SNTG2: variants seen among roughly 807,000 people sequenced by gnomAD.
The protein encoded by SNTG2 is gamma-2-syntrophin.
A neutral mutation model predicts 70.9 loss-of-function variants in SNTG2; 74 were observed. The observed-to-expected ratio is 1.04, with a 90% CI of 0.86 to 1.27. The LOEUF (loss-of-function observed/expected upper bound fraction) is 1.27, where lower values mean the gene tolerates loss of function less well. Among genes scored for constraint, SNTG2 ranks in the 50% most tolerant of loss-of-function variants. The pLI, the probability that SNTG2 is intolerant of heterozygous loss-of-function variation, is 0.00. For synonymous variants in SNTG2, 278 were observed against 273.8 expected (o/e 1.02, Z -0.15); for missense variants, 717 against 690.7 (o/e 1.04, Z -0.43).
chr2:1,134,510 A>G (rs1393640207), intron 4 of SNTG2, among the ~76,000 whole-genome samples: 1 of 151,642 alleles, frequency 6.6e-6, no homozygotes, highest in Non-Finnish European at 1.5e-5. Context: ...CGATTGGTGC[A>G]TTCACAAACC....
At chr2:1,072,476 T>C (rs1314957247) in intron 1 of SNTG2, among the ~76,000 whole-genome samples, 1 of 151,674 alleles carries the variant, frequency 6.6e-6, no homozygotes, top group Non-Finnish European at 1.5e-5. Context: ...GACAGTGTGG[T>C]TGACTGAATA....
intron 1 of SNTG2, among the ~76,000 whole-genome samples, chr2:982,765 C>T (rs1014380659): frequency 3.9e-5 from 6 of 152,176 alleles, no homozygotes; most frequent in African/African-American, 9.7e-5. Context: ...TAGTATTGAC[C>T]GTGGCCCTCA....
intron 13 of SNTG2, among the ~76,000 whole-genome samples, chr2:1,265,295 C>T (rs1678661067): frequency 6.6e-6 from 1 of 152,248 alleles, no homozygotes. Context: ...AGTTTCTGTA[C>T]TCAAGGCTCA....
rs1320853396 is a variant in SNTG2 at position 1,239,788 on chromosome 2, A to G, written c.888+12A>G. The G allele has an allele frequency of 9.9e-6, 16 of 1,612,486 alleles. No homozygotes were observed. Among genetic ancestry groups the G allele is most frequent in the African/African-American group, 6.7e-5 (5 of 74,820 alleles). ...CTCCTTCCGACCAGGTAGGGTTTGT[A>G]TTTTCTGCTTCATGATGTAACACAT... On this transcript the variant is annotated intron_variant, in intron 11 of 16. Transcript: ENST00000308624.
At chr2:1,061,936 A>AT (rs1212102955) in intron 1 of SNTG2, among the ~76,000 whole-genome samples, 2 of 152,244 alleles carry the variant, frequency 1.3e-5, no homozygotes, top group Non-Finnish European at 2.9e-5. Context: ...GAAAAAATGA[A>AT]TATATACTAT....
At chr2:1,044,676 A>T (rs1397005283) in intron 1 of SNTG2, among the ~76,000 whole-genome samples, 1 of 152,152 alleles carries the variant, frequency 6.6e-6, no homozygotes, top group Non-Finnish European at 1.5e-5. Flanking sequence ...AGTTATCTTC[A>T]TGTGATGAAG....
At chr2:1,051,895 A>G (rs1372137009) in intron 1 of SNTG2, among the ~76,000 whole-genome samples, 1 of 152,218 alleles carries the variant, frequency 6.6e-6, no homozygotes, top group Non-Finnish European at 1.5e-5. Flanking sequence ...TGGTTGTTGG[A>G]TATTTTATTA....
At chr2:1,029,709 C>G (rs144330724) in intron 1 of SNTG2, among the ~76,000 whole-genome samples, 3 of 152,292 alleles carry the variant, frequency 2.0e-5, no homozygotes, top group Non-Finnish European at 4.4e-5. Flanking sequence ...TCTGGTGCCC[C>G]CTCAGTGCTC....
chr2:1,338,038 T>G (rs1200397928), intron 16 of SNTG2, among the ~76,000 whole-genome samples: 1 of 152,232 alleles, frequency 6.6e-6, no homozygotes, highest in Non-Finnish European at 1.5e-5. Context: ...TTTACTTCTG[T>G]GCTCTCTGGT....
At chr2:1,327,472 T>A (rs1313019810) in intron 16 of SNTG2, among the ~76,000 whole-genome samples, 4 of 152,208 alleles carry the variant, frequency 2.6e-5, no homozygotes, top group South Asian at 4.1e-4. Flanking sequence ...TTGAGAAGCC[T>A]TTTTAAGTAA....
At chr2:1,121,962 G>A (rs115104359) in intron 4 of SNTG2, among the ~76,000 whole-genome samples, 1,613 of 152,258 alleles carry the variant, frequency 0.011, 44 homozygotes, top group African/African-American at 0.037. Context: ...AGGATCATAA[G>A]GGACTATTAT....
chr2:1,189,310 C>T (rs1010142798), intron 8 of SNTG2, among the ~76,000 whole-genome samples: 3 of 152,032 alleles, frequency 2.0e-5, no homozygotes, highest in African/African-American at 7.2e-5. Context: ...CTTCCAAGTG[C>T]ATGTATACAT....
At chr2:1,326,422 A>C (rs1254412123) in intron 16 of SNTG2, among the ~76,000 whole-genome samples, 1 of 152,214 alleles carries the variant, frequency 6.6e-6, no homozygotes, top group African/African-American at 2.4e-5. Flanking sequence ...GGTTTAACAC[A>C]CTTGAACAAA....
chr2:1,271,961 T>G (rs1679046092), intron 14 of SNTG2, among the ~76,000 whole-genome samples: 1 of 152,102 alleles, frequency 6.6e-6, no homozygotes, highest in Admixed American at 6.5e-5. Context: ...CGCTATTGGA[T>G]GATTGGCTTC....
intron 8 of SNTG2, among the ~76,000 whole-genome samples, chr2:1,206,372 T>A (rs1440853081): frequency 2.0e-5 from 3 of 152,138 alleles, no homozygotes; most frequent in Non-Finnish European, 4.4e-5. Flanking sequence ...TTTCCTCCAA[T>A]GTCAGTGCCA....
chr2:1,158,511 GAA>G (rs1454871335), intron 6 of SNTG2: 3 of 147,696 alleles, frequency 2.0e-5, no homozygotes, highest in African/African-American at 7.8e-5. Flanking sequence ...AAGTGAGAAA[GAA>G]AGAAGAATAT....
intron 13 of SNTG2, among the ~76,000 whole-genome samples, chr2:1,265,424 A>G (rs1678672770): frequency 6.6e-6 from 1 of 151,312 alleles, no homozygotes; most frequent in African/African-American, 2.4e-5. Flanking sequence ...GTGCACACAT[A>G]CACACACACA....
intron 1 of SNTG2, among the ~76,000 whole-genome samples, chr2:1,065,191 C>A (rs1663071340): frequency 6.6e-6 from 1 of 151,994 alleles, no homozygotes; most frequent in Admixed American, 6.6e-5. Context: ...GATCTGAGGC[C>A]CCTGCCCACT....
intron 16 of SNTG2, among the ~76,000 whole-genome samples, chr2:1,366,499 T>C (rs1661491961): frequency 6.6e-6 from 1 of 152,148 alleles, no homozygotes; most frequent in African/African-American, 2.4e-5. Flanking sequence ...TTACAGGACA[T>C]TTAGTGTCTG....
Sources: allele counts gnomAD v4.1 joint callset (sites outside exome capture counted in the v4.1 genomes callset), GRCh38; gene constraint gnomAD v4.1.1; transcripts MANE v1.5; gene names NCBI Gene and HGNC (gene_info 2026-07-23, HGNC 2026-07-21).